PHF21B: variants seen among roughly 807,000 people sequenced by gnomAD.
The protein encoded by PHF21B is PHD finger protein 4.
A neutral mutation model predicts 62.2 loss-of-function variants in PHF21B; 22 were observed. The observed-to-expected ratio is 0.35, with a 90% confidence interval of 0.25 to 0.51. The LOEUF is 0.51. PHF21B is among the 20% of genes least tolerant of loss of function. The pLI is 0.97. For synonymous variants in PHF21B, 341 were observed against 314.7 expected (o/e 1.08, Z -0.88); for missense variants, 701 against 707.9 (o/e 0.99, Z 0.11).
chr22:44,911,771 C>T (rs374469555), intron 5 of PHF21B, among the ~76,000 whole-genome samples: 5 of 152,252 alleles, frequency 3.3e-5, no homozygotes, highest in South Asian at 4.1e-4. Context: ...AGCCCCTACA[C>T]GGAGTCTCTA....
chr22:44,967,567 G>GATT (rs1343552610), intron 2 of PHF21B, among the ~76,000 whole-genome samples: 3 of 152,098 alleles, frequency 2.0e-5, no homozygotes, highest in Non-Finnish European at 4.4e-5. Context: ...AATAGTTTTT[G>GATT]ATTACGGAAA....
chr22:44,939,810 G>A (rs113466416), intron 2 of PHF21B, among the ~76,000 whole-genome samples: 1,530 of 152,296 alleles, frequency 0.01, 27 homozygotes, highest in African/African-American at 0.034. Flanking sequence ...CAGCAGTCCA[G>A]GAGCTGCCCA....
chr22:44,936,755 G>A (rs1341572290), intron 2 of PHF21B, among the ~76,000 whole-genome samples: 3 of 152,012 alleles, frequency 2.0e-5, no homozygotes, highest in East Asian at 3.9e-4. Context: ...TTTTATTGTG[G>A]CTTACCAGAA....
At chr22:45,000,738 T>G (rs145011453) in intron 2 of PHF21B, 1 of 152,074 alleles carries the variant, frequency 6.6e-6, no homozygotes, top group African/African-American at 2.4e-5. Context: ...AAAAGCAACA[T>G]GACGCTCTCG....
Position 44,891,368 on chromosome 22 carries a change from G to C in PHF21B, c.961-8C>G, listed in dbSNP as rs1358853518. On this transcript the variant is annotated splice_polypyrimidine_tract_variant and splice_region_variant and intron_variant, in intron 7 of 12. Transcript: ENST00000313237. ...GGAGGCCAGCCGTTTCCTCTGCAGG[G>C]ACAGAAAACAAAACAACACACCCCA... 1 of 1,613,470 alleles carries C rather than the reference G, an allele frequency of 6.2e-7. No individual in the cohort carries two copies. Among genetic ancestry groups the C allele is most frequent in the East Asian group, 2.2e-5 (1 of 44,878 alleles).
intron 9 of PHF21B, 53 bp from the exon 10 acceptor site, chr22:44,888,174 GGC>G: frequency 7.0e-7 from 1 of 1,435,656 alleles, no homozygotes; most frequent in Non-Finnish European, 9.2e-7. Context: ...GGGCAGCGGG[GGC>G]CGGTCAGCCA....
rs139930918 is a variant in PHF21B at position 44,895,115 on chromosome 22, C to T, written c.883+917G>A. Reference sequence around the variant, plus strand: ...GCTTTCCCTTTATAAAACGCCTTTGCAGGTGAGGTGGGTGTGGTGGAATAC... The same window carrying T: ...GCTTTCCCTTTATAAAACGCCTTTGTAGGTGAGGTGGGTGTGGTGGAATAC... On this transcript the variant is annotated intron_variant, in intron 6 of 12. Coordinates refer to ENST00000313237, the MANE Select transcript of PHF21B (RefSeq NM_138415.5). Among the ~76,000 whole-genome samples the T allele has an allele frequency of 1.1e-3, 167 of 152,292 alleles. 1 individual carries two copies. Among genetic ancestry groups the T allele is most frequent in the African/African-American group, 3.9e-3 (162 of 41,560 alleles).
intron 2 of PHF21B, among the ~76,000 whole-genome samples, chr22:44,981,262 T>A (rs907371307): frequency 6.6e-6 from 1 of 152,176 alleles, no homozygotes; most frequent in Non-Finnish European, 1.5e-5. Context: ...CTGAGCGGCA[T>A]GATCTGTTCA....
chr22:44,981,514 C>T (rs1246153644), intron 2 of PHF21B, among the ~76,000 whole-genome samples: 1 of 152,226 alleles, frequency 6.6e-6, no homozygotes, highest in Non-Finnish European at 1.5e-5. Context: ...GAAGCCCTGG[C>T]TCAATGAACA....
intron 2 of PHF21B, among the ~76,000 whole-genome samples, chr22:45,004,533 T>C (rs2073278912): frequency 1.3e-5 from 2 of 152,334 alleles, no homozygotes; most frequent in Admixed American, 1.3e-4. Flanking sequence ...GATTTTTTTC[T>C]GCAATGTATA....
At chr22:44,983,275 T>C (rs888807854) in intron 2 of PHF21B, among the ~76,000 whole-genome samples, 3 of 151,584 alleles carry the variant, frequency 2.0e-5, no homozygotes, top group Non-Finnish European at 2.9e-5. Flanking sequence ...GGAAATCTAG[T>C]GAATGACCTA....
intron 2 of PHF21B, among the ~76,000 whole-genome samples, chr22:44,958,962 C>T (rs781731630): frequency 7.2e-5 from 11 of 152,110 alleles, no homozygotes; most frequent in South Asian, 2.1e-4. Context: ...CATTTAACTG[C>T]GCAATCTACA....
chr22:44,946,841 C>T (rs1012700421), intron 2 of PHF21B, among the ~76,000 whole-genome samples: 2 of 152,166 alleles, frequency 1.3e-5, no homozygotes, highest in African/African-American at 2.4e-5. Flanking sequence ...GCTGGGGAAC[C>T]TTTGGTGACA....
intron 5 of PHF21B, among the ~76,000 whole-genome samples, chr22:44,899,116 A>AT (rs1029258136): frequency 6.6e-5 from 10 of 151,912 alleles, no homozygotes; most frequent in Admixed American, 2.0e-4. Context: ...GGCTCTTCTT[A>AT]TTTTTTCATG....
rs531706244 is a variant in PHF21B at position 44,935,969 on chromosome 22, C to G, written c.121-15479G>C. On this transcript the variant is annotated intron_variant, in intron 2 of 12. Coordinates refer to ENST00000313237, the MANE Select transcript of PHF21B (RefSeq NM_138415.5). ...ACGCCGTGCTGCCCAGGAGACACAC[C>G]ACATTCTGTTCTCTCTGCTGGGGTA... 2.6e-5 allele frequency among the ~76,000 whole-genome samples: 4 copies of G among 152,322 alleles called. No homozygotes were observed. The South Asian group carries it at 8.3e-4, about 32-fold the overall frequency.
At position 44,916,339 on chromosome 22, in the gene PHF21B, C is replaced by G. The variant is rs760468264; in HGVS notation, c.505G>C (p.Val169Leu). The G allele has an allele frequency of 6.3e-7, 1 of 1,599,146 alleles. No homozygotes were observed. Among genetic ancestry groups the G allele is most frequent in the Non-Finnish European group, 8.5e-7 (1 of 1,176,984 alleles). The change falls in exon 4 of 13, where the codon GTG becomes CTG. Residue 169 changes from valine (V) to leucine (L), a missense_variant. Val to Leu is a conservative substitution (Grantham distance 32). Coordinates refer to ENST00000313237, the MANE Select transcript of PHF21B (RefSeq NM_138415.5). ...TTGATGCTGTCACTGACCACAGACA[C>G]GGCGGTGCTGGGGGCCATGGCGGCG... ...NAAAMAPSTA[V>L]SVVSDSIKVQ... is the part of the protein sequence containing the mutation.
rs935470591 is a variant in PHF21B, at chr22:45,009,025, C to A, written c.55-415G>T. On this transcript the variant is annotated intron_variant, in intron 1 of 12. Transcript: ENST00000313237. This position sits in a 1 kb window ranked among gnomAD's most constrained non-coding sequence, Gnocchi z 5.9. The stretch of plus-strand genomic sequence containing the variant: ...GTCGCGTCCTAATCTCCCCAACACA[C>A]ACACGCGCACGCCGAGCCCCGCTCA... 7.1e-6 allele frequency: 8 copies of A among 1,130,736 alleles called. No individual in the cohort carries two copies. The East Asian group carries it at 3.7e-4, about 52-fold the overall frequency. 70.0% of individuals were successfully genotyped at this position (1,130,736 alleles called of 1,614,324 possible).
Position 44,883,375 on chromosome 22 carries a change from C to G in PHF21B, c.1378-71G>C, listed in dbSNP as rs773190330. On this transcript the variant is annotated intron_variant, in intron 12 of 12. Transcript: ENST00000313237. Reference sequence around the variant, plus strand: ...ACAGCCATCCTGGGGCAGCCACCGTCTGGGCCCCTCTCCCCTCCACTACAA... The same window carrying G: ...ACAGCCATCCTGGGGCAGCCACCGTGTGGGCCCCTCTCCCCTCCACTACAA... The G allele has an allele frequency of 1.9e-4, 272 of 1,439,080 alleles. 1 individual carries two copies. Among genetic ancestry groups the G allele is most frequent in the Non-Finnish European group, 2.5e-4 (260 of 1,054,120 alleles). The allele number at this position is 1,439,080 out of a possible 1,614,324, so 89.1% of individuals were successfully genotyped here.
intron 2 of PHF21B, among the ~76,000 whole-genome samples, chr22:44,951,068 C>T (rs1243830642): frequency 1.3e-5 from 2 of 152,136 alleles, no homozygotes; most frequent in African/African-American, 2.4e-5. Flanking sequence ...AACTCACTTG[C>T]CACTATAAAG....
Sources: allele counts gnomAD v4.1 joint callset (sites outside exome capture counted in the v4.1 genomes callset), GRCh38; gene constraint gnomAD v4.1.1; non-coding constraint Gnocchi (gnomAD v3.1); transcripts MANE v1.5; gene names NCBI Gene and HGNC (gene_info 2026-07-23, HGNC 2026-07-21).